Variants in NEK10 observed in about 807,000 individuals in gnomAD.
NEK10 encodes the protein serine/threonine-protein kinase Nek10.
NEK10 carries 122 observed loss-of-function variants against 159.8 expected under a neutral mutation model. The ratio of observed to expected loss-of-function variants is 0.76; its 90% confidence interval spans 0.66 to 0.89. NEK10 has a LOEUF of 0.89. Ranked by LOEUF, NEK10 falls within the 40% of genes least tolerant of loss-of-function variation. The probability of loss-of-function intolerance (pLI) is 0.00; values close to 1 mark genes in which losing one functional copy is unlikely to be tolerated. For synonymous variants in NEK10, 466 were observed against 457.1 expected, an observed-to-expected ratio of 1.02 and a Z score of -0.25; for missense variants, 1,342 against 1,323.1, an observed-to-expected ratio of 1.01 and a Z score of -0.22.
chr3:27,252,368 T>A (rs1452536589), intron 23 of NEK10: 1 of 284,542 alleles, frequency 3.5e-6, no homozygotes, highest in East Asian at 8.6e-5. Flanking sequence ...GAAGGAAGAG[T>A]ATTCCAAGGA....
At chr3:27,278,250 G>A (rs79677938) in intron 22 of NEK10, among the ~76,000 whole-genome samples, 1 of 152,096 alleles carries the variant, frequency 6.6e-6, no homozygotes, top group Non-Finnish European at 1.5e-5. Flanking sequence ...ACAGTATTTT[G>A]CATATACATT....
chr3:27,358,192 T>C (rs997785864), intron 1 of NEK10, among the ~76,000 whole-genome samples: 3 of 152,224 alleles, frequency 2.0e-5, no homozygotes, highest in Non-Finnish European at 2.9e-5. Flanking sequence ...ATTAAGTTTG[T>C]TATTTTGTTA....
chr3:27,335,002 G>C (rs185123522), intron 5 of NEK10, among the ~76,000 whole-genome samples: 12 of 152,010 alleles, frequency 7.9e-5, no homozygotes, highest in South Asian at 6.2e-4. Context: ...AACAATTCAG[G>C]ATACAAATTA....
chr3:27,137,126 A>C (rs891500856), intron 31 of NEK10, among the ~76,000 whole-genome samples: 2 of 152,170 alleles, frequency 1.3e-5, no homozygotes, highest in African/African-American at 4.8e-5. Context: ...AAAGTTCCTC[A>C]AAGAGGAATC....
chr3:27,143,185 G>A (rs770837306), intron 30 of NEK10, among the ~76,000 whole-genome samples: 5 of 152,210 alleles, frequency 3.3e-5, no homozygotes, highest in Non-Finnish European at 5.9e-5. Context: ...GTAACTGTTC[G>A]TCTAGACCCA....
intron 23 of NEK10, among the ~76,000 whole-genome samples, chr3:27,255,715 T>A (rs1355681673): frequency 6.6e-6 from 1 of 152,182 alleles, no homozygotes; most frequent in Non-Finnish European, 1.5e-5. Flanking sequence ...AATTTAAGTG[T>A]CTCGATTTAT....
intron 7 of NEK10, among the ~76,000 whole-genome samples, chr3:27,313,691 AG>A (rs538786058): frequency 2.6e-5 from 4 of 152,150 alleles, no homozygotes; most frequent in South Asian, 4.1e-4. Context: ...TACAATGCTA[AG>A]GGCTTCAGCC....
chr3:27,184,697 T>A (rs1165092093), intron 26 of NEK10, among the ~76,000 whole-genome samples: 3 of 152,206 alleles, frequency 2.0e-5, no homozygotes, highest in Non-Finnish European at 4.4e-5. Context: ...TTTTTCCTGA[T>A]ATTTCTCTTC....
intron 5 of NEK10, among the ~76,000 whole-genome samples, chr3:27,323,648 A>G (rs1382088715): frequency 1.3e-5 from 2 of 152,228 alleles, no homozygotes; most frequent in Non-Finnish European, 2.9e-5. Flanking sequence ...AATATAGCCA[A>G]TATCCAAAAT....
chr3:27,207,984 T>C (rs971206888), intron 23 of NEK10, among the ~76,000 whole-genome samples: 3 of 152,172 alleles, frequency 2.0e-5, no homozygotes, highest in Non-Finnish European at 4.4e-5. Context: ...GTACAGCATG[T>C]AGCAATATAG....
intron 7 of NEK10, among the ~76,000 whole-genome samples, chr3:27,313,084 G>A (rs1160323258): frequency 2.0e-5 from 3 of 149,660 alleles, no homozygotes; most frequent in Admixed American, 6.7e-5. Context: ...GTGTAACCCT[G>A]TCTCTACTAA....
intron 26 of NEK10, among the ~76,000 whole-genome samples, chr3:27,180,407 C>CAAGGG (rs1303209698): frequency 5.0e-5 from 4 of 80,340 alleles, no homozygotes; most frequent in Non-Finnish European, 9.3e-5. Context: ...AAAAGAAAGA[C>CAAGGG]AAGGGAAGGG....
intron 22 of NEK10, among the ~76,000 whole-genome samples, chr3:27,258,344 A>G (rs1956435113): frequency 6.6e-6 from 1 of 150,786 alleles, no homozygotes; most frequent in Non-Finnish European, 1.5e-5. Context: ...AACATTAGGT[A>G]TATCTCCAAA....
At chr3:27,361,162 T>A (rs947544795) in intron 1 of NEK10, among the ~76,000 whole-genome samples, 1 of 152,224 alleles carries the variant, frequency 6.6e-6, no homozygotes, top group Non-Finnish European at 1.5e-5. Context: ...TTCTGATTTA[T>A]TCTCATTCCA....
At chr3:27,132,350 T>A (rs911447219) in intron 31 of NEK10, among the ~76,000 whole-genome samples, 2 of 152,230 alleles carry the variant, frequency 1.3e-5, no homozygotes, top group Non-Finnish European at 2.9e-5. Context: ...GTGCTTATAA[T>A]ATGCCTAGAA....
intron 30 of NEK10, among the ~76,000 whole-genome samples, chr3:27,160,064 C>A (rs895307338): frequency 6.6e-6 from 1 of 151,810 alleles, no homozygotes; most frequent in African/African-American, 2.4e-5. Flanking sequence ...TCCAAGAAAG[C>A]GAGACCAAAT....
intron 7 of NEK10, among the ~76,000 whole-genome samples, chr3:27,312,501 A>T (rs2044779745): frequency 6.6e-6 from 1 of 152,206 alleles, no homozygotes; most frequent in Non-Finnish European, 1.5e-5. Context: ...TATAAGATAC[A>T]TAATACATAG....
chr3:27,347,898 T>C (rs138307766), intron 3 of NEK10, among the ~76,000 whole-genome samples: 2 of 152,176 alleles, frequency 1.3e-5, no homozygotes, highest in African/African-American at 2.4e-5. Context: ...TTCTGTATCA[T>C]TAAAATGGAA....
At chr3:27,138,340 G>C (rs1943432124) in intron 31 of NEK10, among the ~76,000 whole-genome samples, 1 of 152,188 alleles carries the variant, frequency 6.6e-6, no homozygotes, top group African/African-American at 2.4e-5. Flanking sequence ...GGCTTGCCCA[G>C]GTCCCCCAGA....
Sources: allele counts gnomAD v4.1 joint callset (sites outside exome capture counted in the v4.1 genomes callset), GRCh38; gene constraint gnomAD v4.1.1; transcripts MANE v1.5; gene names NCBI Gene and HGNC (gene_info 2026-07-23, HGNC 2026-07-21).